Variants in LINGO2 observed in about 807,000 individuals in gnomAD.
LINGO2 encodes leucine rich repeat and Ig domain containing 2.
LINGO2 carries 14 observed loss-of-function variants against 30.6 expected under a neutral mutation model. That is an observed-to-expected ratio of 0.46 (90% CI 0.30 to 0.72). The LOEUF (loss-of-function observed/expected upper bound fraction) is 0.72. Among genes scored for constraint, LINGO2 ranks in the 30% least tolerant of loss-of-function variants. The probability of loss-of-function intolerance (pLI) is 0.07; values close to 1 mark genes in which losing one functional copy is unlikely to be tolerated. For synonymous variants in LINGO2, 317 were observed against 288.5 expected (o/e 1.10, Z -1.00); for missense variants, 729 against 751.7 (o/e 0.97, Z 0.35).
the LINGO2 span, among the ~76,000 whole-genome samples, chr9:29,061,540 A>C: frequency 2.0e-5 from 3 of 152,052 alleles, no homozygotes; most frequent in African/African-American, 7.2e-5. Context: ...TGCATAAAAG[A>C]TCAAACGATT....
chr9:28,174,000 A>T (rs901175558), intron 4 of LINGO2, among the ~76,000 whole-genome samples: 2 of 152,200 alleles, frequency 1.3e-5, no homozygotes, highest in African/African-American at 4.8e-5. Flanking sequence ...AATCTATGTT[A>T]TATAAAGTTG....
the LINGO2 span, among the ~76,000 whole-genome samples, chr9:28,830,292 A>T: frequency 6.6e-6 from 1 of 152,150 alleles, no homozygotes; most frequent in Admixed American, 6.5e-5. Flanking sequence ...GAGGACAGTC[A>T]TATGGAACTA....
At chr9:28,308,764 G>A (rs1824479410) in intron 3 of LINGO2, among the ~76,000 whole-genome samples, 1 of 152,012 alleles carries the variant, frequency 6.6e-6, no homozygotes, top group African/African-American at 2.4e-5. Context: ...ATCAAAAAGT[G>A]GGTGAAGGAC....
At chr9:29,066,596 G>C in the LINGO2 span, among the ~76,000 whole-genome samples, 1 of 151,942 alleles carries the variant, frequency 6.6e-6, no homozygotes, top group Non-Finnish European at 1.5e-5. Flanking sequence ...AGTCACAATG[G>C]TAAAATGCTT....
At chr9:28,727,938 C>T in the LINGO2 span, among the ~76,000 whole-genome samples, 2 of 152,046 alleles carry the variant, frequency 1.3e-5, no homozygotes, top group Admixed American at 6.6e-5. Flanking sequence ...GTTCTCTCAA[C>T]GAGATTATGC....
the LINGO2 span, among the ~76,000 whole-genome samples, chr9:29,131,986 A>G: frequency 4.6e-5 from 7 of 151,616 alleles, no homozygotes; most frequent in Admixed American, 4.6e-4. Context: ...CCTAGAGACC[A>G]TCAAGCTCCA....
chr9:29,004,258 T>A, the LINGO2 span, among the ~76,000 whole-genome samples: 4 of 152,026 alleles, frequency 2.6e-5, no homozygotes, highest in Admixed American at 2.0e-4. Context: ...TATCTTTGAT[T>A]TTTAATAAAA....
intron 4 of LINGO2, among the ~76,000 whole-genome samples, chr9:28,101,195 C>G (rs1826405968): frequency 1.3e-5 from 2 of 152,176 alleles, no homozygotes; most frequent in African/African-American, 4.8e-5. Context: ...TACATATGGT[C>G]TCCCTCTCCA....
chr9:28,988,309 T>C, the LINGO2 span, among the ~76,000 whole-genome samples: 1 of 152,192 alleles, frequency 6.6e-6, no homozygotes, highest in African/African-American at 2.4e-5. Flanking sequence ...TTTACAGTTT[T>C]CGACTTAAAG....
At chr9:28,070,938 C>A (rs1825456970) in intron 4 of LINGO2, among the ~76,000 whole-genome samples, 1 of 152,142 alleles carries the variant, frequency 6.6e-6, no homozygotes. Context: ...TGGTATCAAA[C>A]TCCTGGTCTC....
chr9:28,519,803 T>G (rs2135395410), intron 1 of LINGO2, among the ~76,000 whole-genome samples: 1 of 152,280 alleles, frequency 6.6e-6, no homozygotes, highest in Non-Finnish European at 1.5e-5. Context: ...GTGAAATTTA[T>G]CAAATTTCCC....
At chr9:28,750,234 A>T in the LINGO2 span, among the ~76,000 whole-genome samples, 1 of 152,168 alleles carries the variant, frequency 6.6e-6, no homozygotes, top group East Asian at 1.9e-4. Context: ...AATGGCAGTT[A>T]TGAAAGCTGA....
the LINGO2 span, among the ~76,000 whole-genome samples, chr9:29,206,613 T>A: frequency 1.3e-5 from 2 of 152,170 alleles, no homozygotes; most frequent in Admixed American, 1.3e-4. Context: ...TACTCTGAAT[T>A]GCCTGGTGAC....
chr9:28,574,327 T>A (rs1001921762), intron 1 of LINGO2, among the ~76,000 whole-genome samples: 3 of 152,204 alleles, frequency 2.0e-5, no homozygotes, highest in African/African-American at 7.2e-5. Context: ...TTTCATCAGA[T>A]CCTGAAGGGA....
chr9:28,728,692 A>G, the LINGO2 span, among the ~76,000 whole-genome samples: 1 of 152,150 alleles, frequency 6.6e-6, no homozygotes, highest in African/African-American at 2.4e-5. Context: ...GACATTAAAG[A>G]TATTTTTAAA....
At position 28,603,989 on chromosome 9, in the gene LINGO2, C is replaced by G. The variant is rs181952364; in HGVS notation, c.-365+66211G>C. ...TACTTCAGTGTTTTACTCTTTTAAT[C>G]TTCTTTTTCTTGAATTTTAGCCTTC... On this transcript the variant is annotated intron_variant, in intron 1 of 5. Coordinates refer to ENST00000379992, the Ensembl canonical transcript of LINGO2. 1.4e-3 allele frequency among the ~76,000 whole-genome samples: 211 copies of G among 152,064 alleles called. 1 individual carries two copies. The highest frequency in any genetic ancestry group is 4.9e-3 in the African/African-American group (202 of 41,522).
At chr9:28,108,045 A>T (rs1340547326) in intron 4 of LINGO2, among the ~76,000 whole-genome samples, 1 of 152,138 alleles carries the variant, frequency 6.6e-6, no homozygotes, top group Non-Finnish European at 1.5e-5. Flanking sequence ...TGATGCTCAG[A>T]CACAAATGGA....
chr9:29,034,592 T>A, the LINGO2 span, among the ~76,000 whole-genome samples: 2 of 152,310 alleles, frequency 1.3e-5, no homozygotes, highest in South Asian at 4.1e-4. Context: ...AATAGCCCTA[T>A]GACTATGATT....
At chr9:28,209,248 A>T (rs867010741) in intron 4 of LINGO2, among the ~76,000 whole-genome samples, 1 of 152,026 alleles carries the variant, frequency 6.6e-6, no homozygotes. Context: ...CATCAAATAT[A>T]TATTGAATAA....
Sources: gnomAD v4.1 joint callset for allele counts (sites outside exome capture counted in the v4.1 genomes callset) on GRCh38, gnomAD v4.1.1 for gene constraint, MANE v1.5 for transcripts, NCBI Gene and HGNC (gene_info 2026-07-23, HGNC 2026-07-21) for gene names.